Variants in B3GALT1 observed in about 807,000 individuals in gnomAD.
B3GALT1 encodes UDP-Gal:betaGlcNAc beta 1,3-galactosyltransferase, polypeptide 1.
Under a neutral mutation model 23.2 loss-of-function variants are expected in B3GALT1, and 10 were observed. That is an observed-to-expected ratio of 0.43 (90% CI 0.27 to 0.73). The LOEUF (loss-of-function observed/expected upper bound fraction) is 0.73. Ranked by LOEUF, B3GALT1 falls within the 30% of genes least tolerant of loss-of-function variation. B3GALT1 has a pLI of 0.21. For synonymous variants in B3GALT1, 156 were observed against 141.5 expected (o/e 1.10, Z -0.73); for missense variants, 299 against 405.4 (o/e 0.74, Z 2.25).
At chr2:167,384,831 A>C in intron 1 of B3GALT1, among the ~76,000 whole-genome samples, 1 of 150,814 alleles carries the variant, frequency 6.6e-6, no homozygotes, top group African/African-American at 2.4e-5. Context: ...CCTGTTTAAA[A>C]CCTCCATCTC....
intron 3 of B3GALT1, among the ~76,000 whole-genome samples, chr2:167,758,976 A>G (rs1687860792): frequency 6.6e-6 from 1 of 152,166 alleles, no homozygotes; most frequent in African/African-American, 2.4e-5. Flanking sequence ...TCCAGCCAAG[A>G]AGATAAGCTC....
intron 2 of B3GALT1, among the ~76,000 whole-genome samples, chr2:167,538,190 C>T (rs913163488): frequency 1.3e-5 from 2 of 152,066 alleles, no homozygotes; most frequent in Non-Finnish European, 1.5e-5. Context: ...CTCTGATTCA[C>T]GTCATATTAA....
At chr2:167,427,977 G>GC (rs1198977901) in intron 1 of B3GALT1, among the ~76,000 whole-genome samples, 1 of 152,142 alleles carries the variant, frequency 6.6e-6, no homozygotes, top group Non-Finnish European at 1.5e-5. Flanking sequence ...TCTCTGCCAT[G>GC]CCCCATGCCT....
chr2:167,628,715 G>T (rs1284842886), intron 2 of B3GALT1, among the ~76,000 whole-genome samples: 1 of 151,694 alleles, frequency 6.6e-6, no homozygotes, highest in Non-Finnish European at 1.5e-5. Context: ...GAGGGTGGAG[G>T]CATGGGCCTG....
chr2:167,398,615 A>G (rs1698138084), intron 1 of B3GALT1, among the ~76,000 whole-genome samples: 1 of 152,154 alleles, frequency 6.6e-6, no homozygotes. Flanking sequence ...TTTGATATAC[A>G]TTTTAAAGTG....
intron 1 of B3GALT1, among the ~76,000 whole-genome samples, chr2:167,422,463 T>A (rs930677270): frequency 1.3e-5 from 2 of 152,208 alleles, no homozygotes; most frequent in African/African-American, 4.8e-5. Context: ...CCCTTTTGAC[T>A]TGCAAGTTGC....
chr2:167,476,984 A>G (rs1574095471), intron 1 of B3GALT1, among the ~76,000 whole-genome samples: 2 of 152,324 alleles, frequency 1.3e-5, no homozygotes. Flanking sequence ...AGATTGACCA[A>G]TTACTTTCAA....
chr2:167,781,194 A>T (rs1688239555), intron 3 of B3GALT1, among the ~76,000 whole-genome samples: 1 of 152,218 alleles, frequency 6.6e-6, no homozygotes, highest in Admixed American at 6.5e-5. Flanking sequence ...AATAAGCCCT[A>T]CTAAGAATTT....
chr2:167,734,378 A>G (rs906184946), intron 3 of B3GALT1, among the ~76,000 whole-genome samples: 1 of 152,136 alleles, frequency 6.6e-6, no homozygotes, highest in Non-Finnish European at 1.5e-5. Flanking sequence ...CTGCCACTGT[A>G]ACACCAAGTT....
At chr2:167,725,785 G>A (rs1049646390) in intron 3 of B3GALT1, among the ~76,000 whole-genome samples, 1 of 151,734 alleles carries the variant, frequency 6.6e-6, no homozygotes, top group Admixed American at 6.6e-5. Context: ...CAGCATCATA[G>A]TAGTGTTCAG....
chr2:167,477,262 G>A (rs1699500528), intron 1 of B3GALT1, among the ~76,000 whole-genome samples: 1 of 152,312 alleles, frequency 6.6e-6, no homozygotes, highest in South Asian at 2.1e-4. Flanking sequence ...TTGGCAAGTA[G>A]AGCTGGAGGT....
At chr2:167,566,603 A>T (rs1246580297) in intron 2 of B3GALT1, among the ~76,000 whole-genome samples, 1 of 152,124 alleles carries the variant, frequency 6.6e-6, no homozygotes, top group Non-Finnish European at 1.5e-5. Context: ...TCCTTATTTG[A>T]ATGACGTGAG....
intron 2 of B3GALT1, among the ~76,000 whole-genome samples, chr2:167,495,024 C>G (rs1272017291): frequency 6.6e-6 from 1 of 151,896 alleles, no homozygotes; most frequent in Admixed American, 6.6e-5. Context: ...ATGTATATGA[C>G]AAAAACAAAA....
At chr2:167,666,112 C>T (rs1171395988) in intron 3 of B3GALT1, among the ~76,000 whole-genome samples, 1 of 152,202 alleles carries the variant, frequency 6.6e-6, no homozygotes, top group Non-Finnish European at 1.5e-5. Flanking sequence ...CCTCTACACA[C>T]TGCTTTGAAT....
At chr2:167,298,442 T>C (rs752492598) in intron 1 of B3GALT1, among the ~76,000 whole-genome samples, 1 of 152,112 alleles carries the variant, frequency 6.6e-6, no homozygotes, top group Non-Finnish European at 1.5e-5. Flanking sequence ...TTACATTGTG[T>C]TAATATTATG....
At chr2:167,804,882 G>A (rs929897255) in intron 3 of B3GALT1, among the ~76,000 whole-genome samples, 13 of 152,172 alleles carry the variant, frequency 8.5e-5, no homozygotes, top group African/African-American at 3.1e-4. Context: ...TCTAGTTCAA[G>A]ATCCCTGAGG....
intron 3 of B3GALT1, among the ~76,000 whole-genome samples, chr2:167,724,158 C>G (rs1194422465): frequency 6.6e-6 from 1 of 152,198 alleles, no homozygotes; most frequent in East Asian, 1.9e-4. Context: ...GCAACACTCT[C>G]TTTGATTCTT....
At chr2:167,557,329 A>G (rs947145332) in intron 2 of B3GALT1, among the ~76,000 whole-genome samples, 1 of 152,132 alleles carries the variant, frequency 6.6e-6, no homozygotes, top group East Asian at 1.9e-4. Context: ...AAAGTTATGG[A>G]TATTTTTACC....
At chr2:167,655,949 T>TA (rs1371572887) in intron 3 of B3GALT1, among the ~76,000 whole-genome samples, 1 of 152,174 alleles carries the variant, frequency 6.6e-6, no homozygotes, top group African/African-American at 2.4e-5. Context: ...TTTATTCATG[T>TA]AAAAATGTAT....
Sources: gnomAD v4.1 joint callset for allele counts (sites outside exome capture counted in the v4.1 genomes callset) on GRCh38, gnomAD v4.1.1 for gene constraint, MANE v1.5 for transcripts, NCBI Gene and HGNC (gene_info 2026-07-23, HGNC 2026-07-21) for gene names.